The following RNF144A variants were observed in gnomAD, a reference collection of about 807,000 sequenced individuals.
RNF144A encodes E3 ubiquitin-protein ligase RNF144A.
A neutral mutation model predicts 38.7 loss-of-function variants in RNF144A; 11 were observed. The observed-to-expected ratio is 0.28, with a 90% CI of 0.18 to 0.47. RNF144A has a LOEUF of 0.47. Among genes scored for constraint, RNF144A ranks in the 20% least tolerant of loss-of-function variants. The probability of loss-of-function intolerance (pLI) is 0.99; values close to 1 mark genes in which losing one functional copy is unlikely to be tolerated. For missense variants in RNF144A, 316 were observed against 377.2 expected, an observed-to-expected ratio of 0.84 and a Z score of 1.34; for synonymous variants, 149 against 143.9, an observed-to-expected ratio of 1.04 and a Z score of -0.25.
intron 2 of RNF144A, among the ~76,000 whole-genome samples, chr2:6,970,351 G>T (rs1667930027): frequency 6.6e-6 from 1 of 152,104 alleles, no homozygotes; most frequent in Non-Finnish European, 1.5e-5. Context: ...CTCTCTCTTT[G>T]CCTGCTGCCA....
intron 2 of RNF144A, among the ~76,000 whole-genome samples, chr2:6,989,476 A>G (rs1291192995): frequency 6.6e-6 from 1 of 152,202 alleles, no homozygotes; most frequent in East Asian, 1.9e-4. Context: ...TTATTATTAC[A>G]GGTTCGGCCC....
chr2:7,065,629 G>T (rs1674181932), intron 6 of RNF144A, among the ~76,000 whole-genome samples: 1 of 152,192 alleles, frequency 6.6e-6, no homozygotes, highest in Admixed American at 6.5e-5. Flanking sequence ...GCATGTCACA[G>T]AAATAGCCAA....
intron 3 of RNF144A, among the ~76,000 whole-genome samples, chr2:7,005,917 C>CT (rs35114772): frequency 0.24 from 33,450 of 140,340 alleles, 4,825 homozygotes; most frequent in East Asian, 0.64. Context: ...ATCTGCCACT[C>CT]TTTTTTTTTT....
rs1664193408 is a variant in RNF144A, at chr2:6,917,510, G to GCGGGCCGTT, written c.-319_-318insCGTTCGGGC. Reference sequence around the variant, plus strand: ...GGGCTGGCATTGCAGTGCGGGCCGTGCGGGCTGCGCGGGCGCGGGGAGGCG... The same window carrying GCGGGCCGTT: ...GGGCTGGCATTGCAGTGCGGGCCGTGCGGGCCGTTCGGGCTGCGCGGGCGCGGGGAGGCG... On this transcript the variant is annotated 5_prime_UTR_variant, in exon 1 of 9. Coordinates refer to ENST00000320892, the MANE Select transcript of RNF144A (RefSeq NM_014746.6). This position sits in a 1 kb window ranked among gnomAD's most constrained non-coding sequence, Gnocchi z 4.8. The GCGGGCCGTT allele has an allele frequency of 6.8e-6, 1 of 147,674 alleles. No individual in the cohort carries two copies. Among genetic ancestry groups the GCGGGCCGTT allele is most frequent in the Non-Finnish European group, 1.5e-5 (1 of 66,320 alleles). The allele number at this position is 147,674 out of a possible 1,614,324, so 9.1% of individuals were successfully genotyped here. A position where few individuals can be genotyped will look rare whatever the true frequency, so the allele number is the denominator to read the frequency against.
chr2:6,918,501 G>A (rs1392832266), intron 1 of RNF144A: 2 of 152,158 alleles, frequency 1.3e-5, no homozygotes, highest in South Asian at 2.1e-4. Flanking sequence ...AACTGGCCGG[G>A]CGCGGTGGCT....
intron 3 of RNF144A, among the ~76,000 whole-genome samples, chr2:7,010,943 A>G (rs412098): frequency 0.68 from 103,167 of 151,992 alleles, 35,720 homozygotes; most frequent in Non-Finnish European, 0.72. Context: ...TGCGGGTCTC[A>G]ATAGCATTTG....
chr2:6,981,083 A>AGGCCTG (rs1469446527), intron 2 of RNF144A, among the ~76,000 whole-genome samples: 5 of 152,334 alleles, frequency 3.3e-5, no homozygotes, highest in Middle Eastern at 3.4e-3. Flanking sequence ...AGAGCAGCTG[A>AGGCCTG]GGCCTGGGCC....
rs533603514 is a variant in RNF144A at position 6,944,780 on chromosome 2, G to A, written c.-12+3633G>A. Among the ~76,000 whole-genome samples, 27 of 152,264 alleles carry A rather than the reference G, an allele frequency of 1.8e-4. No homozygotes were observed. The highest frequency in any genetic ancestry group is 1.6e-3 in the Admixed American group (25 of 15,296). ...CCACCTCCCAGGACGCTGTGTTTGG[G>A]AATCTGTCTCAAACAAATTCCAAGA... On this transcript the variant is annotated intron_variant, in intron 2 of 8. Coordinates refer to ENST00000320892, the MANE Select transcript of RNF144A (RefSeq NM_014746.6). This position sits in a 1 kb window ranked among gnomAD's most constrained non-coding sequence, Gnocchi z 4.7.
intron 1 of RNF144A, among the ~76,000 whole-genome samples, chr2:6,937,135 A>G (rs1362659128): frequency 6.6e-6 from 1 of 152,192 alleles, no homozygotes; most frequent in Non-Finnish European, 1.5e-5. Context: ...ACCACTCCAT[A>G]CCGGTGTGGC....
rs1385487114 is a variant in RNF144A, at chr2:6,944,207, G to C, written c.-12+3060G>C. On this transcript the variant is annotated intron_variant, in intron 2 of 8. Transcript: ENST00000320892. The surrounding 1 kb of genome is among the most constrained non-coding windows in gnomAD (Gnocchi z 4.7). ...TGCGGGAGGAGGCCGGGCACTATGGGCCTGGGGTGATGGAGAAAGGACCTG... is the reference window on the plus strand; with the variant it reads ...TGCGGGAGGAGGCCGGGCACTATGGCCCTGGGGTGATGGAGAAAGGACCTG... Among the ~76,000 whole-genome samples, 2 of 152,100 alleles carry C rather than the reference G, an allele frequency of 1.3e-5. No individual in the cohort carries two copies. Among genetic ancestry groups the C allele is most frequent in the African/African-American group, 4.8e-5 (2 of 41,406 alleles).
In RNF144A at chr2:7,042,258, T is replaced by C. The variant is rs1365647977; in HGVS notation, c.*2498T>C. The C allele has an allele frequency of 3.2e-5, 32 of 985,306 alleles. No individual in the cohort carries two copies. Among genetic ancestry groups the C allele is most frequent in the Non-Finnish European group, 3.3e-5 (27 of 829,930 alleles). The allele number at this position is 985,306 out of a possible 1,614,324, so 61.0% of individuals were successfully genotyped here. A position where few individuals can be genotyped will look rare whatever the true frequency, so the allele number is the denominator to read the frequency against. On this transcript the variant is annotated 3_prime_UTR_variant, in exon 9 of 9. Coordinates refer to ENST00000320892, the MANE Select transcript of RNF144A (RefSeq NM_014746.6). ...AACCCTGCTTGATGTAAAATGGAAA[T>C]AGCACACAGGCAGATGGCCCTGGGT...
At chr2:6,954,388 G>A (rs1355415582) in intron 2 of RNF144A, among the ~76,000 whole-genome samples, 1 of 152,056 alleles carries the variant, frequency 6.6e-6, no homozygotes, top group Non-Finnish European at 1.5e-5. Flanking sequence ...TAAATTCTCA[G>A]TTTCTAAAAA....
intron 2 of RNF144A, among the ~76,000 whole-genome samples, chr2:6,959,789 A>AC (rs70942682): frequency 0.027 from 4,139 of 151,038 alleles, 93 homozygotes; most frequent in African/African-American, 0.066. Context: ...AAAGATCACC[A>AC]CCCCCCCCAT....
Position 7,033,384 on chromosome 2 carries a change from G to A in RNF144A, c.747+3169G>A, listed in dbSNP as rs1025579920. Among the ~76,000 whole-genome samples the A allele has an allele frequency of 7.2e-5, 11 of 152,356 alleles. No homozygotes were observed. In the South Asian group the frequency reaches 1.4e-3, roughly 20 times the overall value. On this transcript the variant is annotated intron_variant, in intron 8 of 8. Transcript: ENST00000320892. ...GGCAGTCAGATATCCTCACGCCATCGTGCCCTGGAGCTGCCAAAGGCCCAC... is the reference window on the plus strand; with the variant it reads ...GGCAGTCAGATATCCTCACGCCATCATGCCCTGGAGCTGCCAAAGGCCCAC...
intron 8 of RNF144A, among the ~76,000 whole-genome samples, chr2:7,033,744 G>A (rs16865857): frequency 2.0e-5 from 3 of 152,170 alleles, no homozygotes. Context: ...TGCTCATCTG[G>A]GTCTTATCTC....
chr2:7,029,945 G>A (rs1297760773), intron 7 of RNF144A, among the ~76,000 whole-genome samples, 181 bp from the exon 8 acceptor site: 1 of 152,250 alleles, frequency 6.6e-6, no homozygotes, highest in Non-Finnish European at 1.5e-5. Context: ...CTGGGGAGGA[G>A]CGGCCTGGGC....
intron 2 of RNF144A, among the ~76,000 whole-genome samples, chr2:6,989,006 A>G (rs1457793525): frequency 6.6e-6 from 1 of 152,014 alleles, no homozygotes; most frequent in African/African-American, 2.4e-5. Context: ...CTCAACTCCA[A>G]TGTCCTGCCC....
At chr2:6,942,952 C>T (rs191908975) in intron 2 of RNF144A, among the ~76,000 whole-genome samples, 1 of 152,254 alleles carries the variant, frequency 6.6e-6, no homozygotes, top group African/African-American at 2.4e-5. Flanking sequence ...GCATTGCACT[C>T]CAGCCTGGGT....
downstream of RNF144A, among the ~76,000 whole-genome samples, chr2:7,069,362 C>G (rs141429104): frequency 1.6e-4 from 24 of 152,336 alleles, no homozygotes; most frequent in East Asian, 4.6e-3. Context: ...CAAGCTTGAG[C>G]ACCAGAGGGC....
Sources: allele counts gnomAD v4.1 joint callset (sites outside exome capture counted in the v4.1 genomes callset), GRCh38; gene constraint gnomAD v4.1.1; non-coding constraint Gnocchi (gnomAD v3.1); transcripts MANE v1.5; gene names NCBI Gene and HGNC (gene_info 2026-07-23, HGNC 2026-07-21).